The following UBE2W variants were observed in gnomAD, a reference collection of about 807,000 sequenced individuals.
The protein encoded by UBE2W is ubiquitin conjugating enzyme E2 W, also known as ubiquitin-conjugating enzyme E2 W.
In UBE2W, 18 loss-of-function variants were observed where a neutral mutation model predicts 27.2. The ratio of observed to expected loss-of-function variants is 0.66; its 90% confidence interval spans 0.46 to 0.98. UBE2W has a LOEUF of 0.98. Ranked by LOEUF, UBE2W falls within the 50% of genes least tolerant of loss-of-function variation. The probability of loss-of-function intolerance (pLI) is 0.00; values close to 1 mark genes in which losing one functional copy is unlikely to be tolerated. For missense variants in UBE2W, 90 were observed against 180.2 expected, an observed-to-expected ratio of 0.50 and a Z score of 2.87; for synonymous variants, 53 against 57.2, an observed-to-expected ratio of 0.93 and a Z score of 0.33.
chr8:73,812,220 A>AT (rs1809180911), intron 3 of UBE2W, among the ~76,000 whole-genome samples: 2 of 146,326 alleles, frequency 1.4e-5, no homozygotes, highest in Non-Finnish European at 3.0e-5. Context: ...ATTCCCACTA[A>AT]TAAAAAAAAA....
chr8:73,832,101 T>C (rs1810089845), intron 1 of UBE2W, among the ~76,000 whole-genome samples: 1 of 148,342 alleles, frequency 6.7e-6, no homozygotes, highest in Non-Finnish European at 1.5e-5. Context: ...TGAGACCCTG[T>C]CTCTACAAAA....
intron 1 of UBE2W, among the ~76,000 whole-genome samples, chr8:73,841,536 G>A (rs1810533939): frequency 6.6e-6 from 1 of 152,138 alleles, no homozygotes; most frequent in Admixed American, 6.5e-5. Flanking sequence ...AGACAAATGT[G>A]CCAATAATTT....
At chr8:73,849,042 AAAC>A (rs1810945970) in intron 1 of UBE2W, among the ~76,000 whole-genome samples, 2 of 6,024 alleles carry the variant, frequency 3.3e-4, no homozygotes, top group Admixed American at 5.2e-3. Context: ...AAAGTTTATT[AAAC>A]AAAAAAAGAA....
At chr8:73,862,359 T>G (rs1811565809) in intron 1 of UBE2W, among the ~76,000 whole-genome samples, 1 of 152,212 alleles carries the variant, frequency 6.6e-6, no homozygotes, top group African/African-American at 2.4e-5. Flanking sequence ...GGATCCAGTT[T>G]CAGCTTTCTA....
chr8:73,823,753 G>C (rs143293302), intron 3 of UBE2W, among the ~76,000 whole-genome samples: 17 of 152,300 alleles, frequency 1.1e-4, no homozygotes, highest in African/African-American at 4.1e-4. Flanking sequence ...AGTCTTGGTA[G>C]TTTTCTGCTC....
intron 1 of UBE2W, among the ~76,000 whole-genome samples, chr8:73,843,700 C>T (rs1217260749): frequency 2.1e-5 from 3 of 145,886 alleles, no homozygotes; most frequent in African/African-American, 5.1e-5. Flanking sequence ...AGAATTTCTA[C>T]TTAGGAAGAT....
At chr8:73,869,377 T>C (rs1364472852) in intron 1 of UBE2W, among the ~76,000 whole-genome samples, 1 of 151,732 alleles carries the variant, frequency 6.6e-6, no homozygotes, top group Non-Finnish European at 1.5e-5. Flanking sequence ...GCCAACATGG[T>C]TAAACCCCGT....
intron 1 of UBE2W, among the ~76,000 whole-genome samples, chr8:73,875,787 C>A (rs1812191847): frequency 6.6e-6 from 1 of 152,134 alleles, no homozygotes; most frequent in Non-Finnish European, 1.5e-5. Flanking sequence ...CAGTGGCTCA[C>A]ACCTGTAATC....
intron 1 of UBE2W, among the ~76,000 whole-genome samples, chr8:73,855,068 C>A (rs1235211313): frequency 1.3e-5 from 2 of 152,212 alleles, no homozygotes; most frequent in Admixed American, 1.3e-4. Context: ...TGAAGCAGTT[C>A]AACTTTTTCT....
chr8:73,809,691 T>C (rs1434405713), intron 4 of UBE2W, among the ~76,000 whole-genome samples: 1 of 152,146 alleles, frequency 6.6e-6, no homozygotes, highest in Non-Finnish European at 1.5e-5. Context: ...GCAATTCTCC[T>C]ACCTCAGTCT....
downstream of UBE2W, among the ~76,000 whole-genome samples, chr8:73,781,219 G>A (rs539434654): frequency 2.4e-4 from 36 of 148,464 alleles, no homozygotes; most frequent in Admixed American, 4.1e-4. Context: ...GCAGTGAGCC[G>A]AGATCGCGCC....
chr8:73,793,329 T>C lies in UBE2W; in HGVS notation c.*773A>G. 7 of 985,834 alleles carry C rather than the reference T, an allele frequency of 7.1e-6. No homozygotes were observed. The highest frequency in any genetic ancestry group is 8.4e-6 in the Non-Finnish European group (7 of 829,904). 61.1% of individuals were successfully genotyped at this position (985,834 alleles called of 1,614,324 possible). On this transcript the variant is annotated 3_prime_UTR_variant, in exon 6 of 6. Coordinates refer to ENST00000602593, the MANE Select transcript of UBE2W (RefSeq NM_018299.6). ...TTTTCTTACTTCCAAAATAAAGCCT[T>C]GATTAAACCATTCATACCCTATATT...
chr8:73,839,414 T>C (rs575289335), intron 1 of UBE2W, among the ~76,000 whole-genome samples: 1 of 150,362 alleles, frequency 6.7e-6, no homozygotes, highest in African/African-American at 2.4e-5. Context: ...CACTTTGAGA[T>C]GCCAAGGTGG....
In UBE2W at chr8:73,788,104, T is replaced by C; in HGVS notation, c.*5998A>G. The C allele has an allele frequency of 1.5e-5, 15 of 984,176 alleles. No homozygotes were observed. The highest frequency in any genetic ancestry group is 1.8e-5 in the Non-Finnish European group (15 of 828,784). 61.0% of individuals were successfully genotyped at this position (984,176 alleles called of 1,614,324 possible). A position where few individuals can be genotyped will look rare whatever the true frequency, so the allele number is the denominator to read the frequency against. On this transcript the variant is annotated 3_prime_UTR_variant, in exon 6 of 6. Coordinates refer to ENST00000602593, the MANE Select transcript of UBE2W (RefSeq NM_018299.6). ...AAAGAGGTCTGGTATCTATCCCATT[T>C]AGTATTCAAGTCTACAGAAAAAATC...
intron 4 of UBE2W, 99 bp downstream of exon 4, chr8:73,810,375 T>A: frequency 8.2e-7 from 1 of 1,219,452 alleles, no homozygotes; most frequent in Non-Finnish European, 1.1e-6. Context: ...ATAAAAAGCA[T>A]AAATCCTTCC....
chr8:73,805,472 C>CAAAAAAAACAAAAACAAAAA lies in UBE2W; in HGVS notation c.442+178_442+179insTTTTTGTTTTTGTTTTTTTT, dbSNP rs1554579996. Among the ~76,000 whole-genome samples the CAAAAAAAACAAAAACAAAAA allele has an allele frequency of 2.5e-3, 108 of 43,700 alleles. 2 individuals are homozygous for CAAAAAAAACAAAAACAAAAA. Among genetic ancestry groups the CAAAAAAAACAAAAACAAAAA allele is most frequent in the African/African-American group, 6.1e-3 (102 of 16,640 alleles). The allele number at this position is 43,700 out of a possible 152,430, so 28.7% of individuals were successfully genotyped here. A position where few individuals can be genotyped will look rare whatever the true frequency, so the allele number is the denominator to read the frequency against. On this transcript the variant is annotated intron_variant, in intron 5 of 5. Transcript: ENST00000602593. ...TCCATCTCAAAAAAAAAAAAAAAAA[C>CAAAAAAAACAAAAACAAAAA]AAAAAAAACTAGGGTAATTCATCCA...
chr8:73,783,323 G>A (rs894269389), downstream of UBE2W, among the ~76,000 whole-genome samples: 3 of 152,140 alleles, frequency 2.0e-5, no homozygotes, highest in South Asian at 6.2e-4. Context: ...CCTTTTTGAA[G>A]TTTTATTGTT....
chr8:73,805,484 G>C (rs1211743432), intron 5 of UBE2W, among the ~76,000 whole-genome samples, 167 bp downstream of exon 5: 1 of 19,658 alleles, frequency 5.1e-5, no homozygotes, highest in African/African-American at 1.4e-4. Flanking sequence ...AAAAAAACTA[G>C]GGTAATTCAT....
At chr8:73,805,472 C>CAAAAAAAACAAAAAAAAAAAA (rs1554579996) in intron 5 of UBE2W, among the ~76,000 whole-genome samples, 179 bp downstream of exon 5, 16 of 43,668 alleles carry the variant, frequency 3.7e-4, no homozygotes, top group African/African-American at 9.0e-4. Flanking sequence ...AAAAAAAAAA[C>CAAAAAAAACAAAAAAAAAAAA]AAAAAAAACT....
Sources: allele counts gnomAD v4.1 joint callset (sites outside exome capture counted in the v4.1 genomes callset), GRCh38; gene constraint gnomAD v4.1.1; transcripts MANE v1.5; gene names NCBI Gene and HGNC (gene_info 2026-07-23, HGNC 2026-07-21).